CDIN1: variants seen among roughly 807,000 people sequenced by gnomAD.
The protein encoded by CDIN1 is CDAN1 interacting nuclease 1, also known as CDAN1-interacting nuclease 1.
Under a neutral mutation model 45.3 loss-of-function variants are expected in CDIN1, and 33 were observed. The observed-to-expected ratio is 0.73, with a 90% CI of 0.55 to 0.97. The LOEUF is 0.97. CDIN1 is among the 50% of genes least tolerant of loss of function. The pLI is 0.00. For synonymous variants in CDIN1, 118 were observed against 124.4 expected (o/e 0.95, Z 0.34); for missense variants, 303 against 339.4 (o/e 0.89, Z 0.84).
At chr15:36,760,686 T>C (rs2053736572) in intron 10 of CDIN1, among the ~76,000 whole-genome samples, 1 of 151,342 alleles carries the variant, frequency 6.6e-6, no homozygotes, top group South Asian at 2.1e-4. Flanking sequence ...CATTTTCTCC[T>C]GTGAAGGACA....
At chr15:36,681,354 T>G (rs1050627469) in intron 5 of CDIN1, among the ~76,000 whole-genome samples, 4 of 152,052 alleles carry the variant, frequency 2.6e-5, no homozygotes, top group Admixed American at 1.3e-4. Flanking sequence ...CTAGGGTGAC[T>G]CTAAGGAAAG....
At chr15:36,799,551 A>T (rs1435605047) in intron 10 of CDIN1, 5 of 152,018 alleles carry the variant, frequency 3.3e-5, no homozygotes, top group Admixed American at 3.3e-4. Context: ...AATAAATACA[A>T]CATAGTTAAA....
intron 1 of CDIN1, among the ~76,000 whole-genome samples, chr15:36,612,863 C>T: frequency 6.6e-6 from 1 of 152,146 alleles, no homozygotes; most frequent in East Asian, 1.9e-4. Context: ...ACATAAACAT[C>T]TTTTCCCTAA....
At chr15:36,640,870 C>T (rs1015165510) in intron 1 of CDIN1, among the ~76,000 whole-genome samples, 1 of 152,168 alleles carries the variant, frequency 6.6e-6, no homozygotes, top group African/African-American at 2.4e-5. Context: ...AGTTTGTTGC[C>T]TGTTTTTATA....
intron 10 of CDIN1, among the ~76,000 whole-genome samples, chr15:36,734,718 A>T (rs1017798354): frequency 6.6e-6 from 1 of 152,206 alleles, no homozygotes; most frequent in African/African-American, 2.4e-5. Flanking sequence ...CTTCATTCAA[A>T]AACAAATCAA....
intron 5 of CDIN1, among the ~76,000 whole-genome samples, chr15:36,677,257 T>C (rs2041680154): frequency 6.6e-6 from 1 of 152,036 alleles, no homozygotes; most frequent in South Asian, 2.1e-4. Flanking sequence ...GGGGGTGAGA[T>C]TGTGTAAACA....
chr15:36,657,043 A>G (rs2040811113), intron 4 of CDIN1, among the ~76,000 whole-genome samples: 1 of 151,842 alleles, frequency 6.6e-6, no homozygotes, highest in African/African-American at 2.4e-5. Context: ...AGATTTAAGA[A>G]CCCCAAAGAA....
rs183635214 is a variant in CDIN1, at chr15:36,803,296, A to C, written c.717-5028A>C. ...GCTGTATAGTGCAAGTTAGGAGCTA[A>C]GAAGCTCAGTTGGTATACCTGGCAC... On this transcript the variant is annotated intron_variant, in intron 10 of 10. Transcript: ENST00000566621. Among the ~76,000 whole-genome samples, 65 of 151,046 alleles carry C rather than the reference A, an allele frequency of 4.3e-4. 1 individual carries two copies. Among genetic ancestry groups the C allele is most frequent in the African/African-American group, 1.5e-3 (62 of 41,070 alleles).
intron 7 of CDIN1, among the ~76,000 whole-genome samples, chr15:36,697,059 A>G (rs1461459349): frequency 6.6e-6 from 1 of 151,708 alleles, no homozygotes; most frequent in Non-Finnish European, 1.5e-5. Flanking sequence ...CAGGAGTTCA[A>G]GGTTATAGTG....
At chr15:36,662,309 G>A (rs1214187937) in intron 5 of CDIN1, among the ~76,000 whole-genome samples, 2 of 152,158 alleles carry the variant, frequency 1.3e-5, no homozygotes, top group Admixed American at 1.3e-4. Flanking sequence ...TCAACATAAT[G>A]TGTATAATCC....
Position 36,789,811 on chromosome 15 carries a change from T to TTAAAG in CDIN1, c.717-18507_717-18503dup, listed in dbSNP as rs201295257. Among the ~76,000 whole-genome samples, 1,124 of 152,290 alleles carry TTAAAG rather than the reference T, an allele frequency of 7.4e-3. 10 individuals are homozygous for TTAAAG. The highest frequency in any genetic ancestry group is 0.026 in the African/African-American group (1,085 of 41,558). ...AGCAGCAACTGACTATCTAAAGGCA[T>TTAAAG]TAAAGTAAAGAATCTTCAAAATTGA... On this transcript the variant is annotated intron_variant, in intron 10 of 10. Transcript: ENST00000566621.
intron 8 of CDIN1, 66 bp from the exon 9 acceptor site, chr15:36,709,157 A>G: frequency 7.4e-7 from 1 of 1,346,998 alleles, no homozygotes; most frequent in Non-Finnish European, 1.0e-6. Flanking sequence ...AGAAATAAAA[A>G]CAAATATATT....
chr15:36,585,180 C>T (rs2037239639), intron 1 of CDIN1, among the ~76,000 whole-genome samples: 1 of 152,122 alleles, frequency 6.6e-6, no homozygotes, highest in Admixed American at 6.5e-5. Context: ...AGAAAAGTTG[C>T]AGAAATATTA....
intron 5 of CDIN1, among the ~76,000 whole-genome samples, chr15:36,676,950 C>T (rs927640715): frequency 6.6e-6 from 1 of 152,070 alleles, no homozygotes; most frequent in Non-Finnish European, 1.5e-5. Context: ...AAAATGTGTG[C>T]TAGTAAGGTC....
chr15:36,782,798 T>C lies in CDIN1; in HGVS notation c.717-25526T>C, dbSNP rs185155825. Among the ~76,000 whole-genome samples, 70 of 152,298 alleles carry C rather than the reference T, an allele frequency of 4.6e-4. 1 individual carries two copies. The East Asian group carries it at 0.012, about 27-fold the overall frequency. On this transcript the variant is annotated intron_variant, in intron 10 of 10. Coordinates refer to ENST00000566621, the MANE Select transcript of CDIN1 (RefSeq NM_001321759.2). ...CAATAGCCATTTCCTATAAGACTGT[T>C]GTCTTGAGCCAAGGGCTTAAAAAAG... is the stretch of plus-strand genomic sequence containing the variant.
At chr15:36,684,435 A>G (rs1042593028) in intron 5 of CDIN1, among the ~76,000 whole-genome samples, 57 of 151,900 alleles carry the variant, frequency 3.8e-4, no homozygotes, top group Admixed American at 1.3e-4. Flanking sequence ...CCACTTGATC[A>G]TGGTGGATAA....
At chr15:36,772,513 G>A (rs918490332) in intron 10 of CDIN1, among the ~76,000 whole-genome samples, 2 of 152,122 alleles carry the variant, frequency 1.3e-5, no homozygotes, top group Non-Finnish European at 2.9e-5. Flanking sequence ...TCTGGTCTTG[G>A]GTAATAGCCC....
At chr15:36,774,244 G>A (rs2054162300) in intron 10 of CDIN1, among the ~76,000 whole-genome samples, 1 of 151,762 alleles carries the variant, frequency 6.6e-6, no homozygotes, top group African/African-American at 2.4e-5. Flanking sequence ...TAGATGAAGG[G>A]TCACTAGTCC....
intron 10 of CDIN1, among the ~76,000 whole-genome samples, chr15:36,800,099 A>C (rs2054961040): frequency 6.6e-6 from 1 of 152,196 alleles, no homozygotes; most frequent in Non-Finnish European, 1.5e-5. Context: ...ATTTTTGTTC[A>C]AAATAACATT....
Sources: gnomAD v4.1 joint callset for allele counts (sites outside exome capture counted in the v4.1 genomes callset) on GRCh38, gnomAD v4.1.1 for gene constraint, MANE v1.5 for transcripts, NCBI Gene and HGNC (gene_info 2026-07-23, HGNC 2026-07-21) for gene names.